Variants in FAAH2 observed in about 807,000 individuals in gnomAD.
FAAH2 encodes fatty-acid amide hydrolase 2.
In FAAH2, 60 loss-of-function variants were observed where a neutral mutation model predicts 36.9. That is an observed-to-expected ratio of 1.63 (90% CI 1.32 to 2.02). The LOEUF is 2.02. Among genes scored for constraint, FAAH2 ranks in the 30% most tolerant of loss-of-function variants. FAAH2 has a pLI of 0.00. For synonymous variants in FAAH2, 214 were observed against 143.8 expected (o/e 1.49, Z -3.49); for missense variants, 689 against 397.5 (o/e 1.73, Z -6.23).
the FAAH2 span, among the ~76,000 whole-genome samples, chrX:57,238,582 T>C: frequency 9.0e-6 from 1 of 111,260 alleles, no homozygotes; most frequent in African/African-American, 3.3e-5. Flanking sequence ...CCCCATGACA[T>C]GAGATTACCT....
chrX:57,232,628 C>G, the FAAH2 span, among the ~76,000 whole-genome samples: 1 of 112,206 alleles, frequency 8.9e-6, no homozygotes, highest in East Asian at 2.8e-4. Flanking sequence ...TCTCTCGTAA[C>G]TAAGATAGAC....
intron 7 of FAAH2, among the ~76,000 whole-genome samples, chrX:57,392,374 T>A (rs1190426212): frequency 9.0e-6 from 1 of 111,558 alleles, no homozygotes; most frequent in Non-Finnish European, 1.9e-5. Flanking sequence ...GTTTTTTTTG[T>A]TTGTTTGTTT....
At chrX:57,316,501 G>C (rs757623029) in intron 3 of FAAH2, among the ~76,000 whole-genome samples, 1 of 111,687 alleles carries the variant, frequency 9.0e-6, no homozygotes, top group African/African-American at 3.2e-5. Flanking sequence ...CACCAAAACA[G>C]CATGGTGCTG....
At chrX:57,205,390 C>G in the FAAH2 span, among the ~76,000 whole-genome samples, 1 of 112,238 alleles carries the variant, frequency 8.9e-6, no homozygotes, top group Non-Finnish European at 1.9e-5. Context: ...TGTATGAGCC[C>G]TAATATGAGT....
the FAAH2 span, among the ~76,000 whole-genome samples, chrX:57,190,142 C>T: frequency 9.1e-6 from 1 of 110,472 alleles, no homozygotes; most frequent in Non-Finnish European, 1.9e-5. Flanking sequence ...GCCACAGCCA[C>T]TTTGCTGTGC....
chrX:57,388,603 T>C (rs996676722), intron 7 of FAAH2, among the ~76,000 whole-genome samples: 2 of 111,370 alleles, frequency 1.8e-5, no homozygotes, highest in African/African-American at 6.5e-5. Context: ...GAAACAATAT[T>C]GATATATTAT....
the FAAH2 span, among the ~76,000 whole-genome samples, chrX:57,140,747 A>G: frequency 1.8e-5 from 2 of 111,992 alleles, no homozygotes; most frequent in African/African-American, 3.2e-5. Flanking sequence ...CAAATGCTGC[A>G]TGTTCTCACT....
At chrX:57,381,382 A>T (rs1602472585) in intron 7 of FAAH2, among the ~76,000 whole-genome samples, 1 of 111,832 alleles carries the variant, frequency 8.9e-6, no homozygotes, top group Admixed American at 9.5e-5. Context: ...CAATCATTTT[A>T]GCCTGAGCTT....
the FAAH2 span, among the ~76,000 whole-genome samples, chrX:57,231,231 C>T: frequency 9.0e-6 from 1 of 110,778 alleles, no homozygotes; most frequent in Non-Finnish European, 1.9e-5. Flanking sequence ...TCATGATTTT[C>T]TGGCCATTAT....
At chrX:57,203,285 T>A in the FAAH2 span, among the ~76,000 whole-genome samples, 6 of 112,516 alleles carry the variant, frequency 5.3e-5, no homozygotes, top group African/African-American at 1.6e-4. Context: ...TGGCTAGTTA[T>A]CTGCAGCAGG....
Position 57,375,625 on chromosome X carries a change from C to G in FAAH2, c.743-3026C>G, listed in dbSNP as rs754890928. Among the ~76,000 whole-genome samples the G allele has an allele frequency of 5.4e-5, 6 of 110,641 alleles. No individual in the cohort carries two copies. In the South Asian group the frequency reaches 2.3e-3, roughly 42 times the overall value. ...TTTCTCTCTCCTTTTCTTGGTTAAT[C>G]TTGCAACTTGTTGTAATATCATAGA... On this transcript the variant is annotated intron_variant, in intron 5 of 10. Transcript: ENST00000374900.
chrX:57,450,117 G>A (rs762883440), intron 10 of FAAH2, among the ~76,000 whole-genome samples: 1 of 111,199 alleles, frequency 9.0e-6, no homozygotes, highest in Non-Finnish European at 1.9e-5. Flanking sequence ...CTTTTGGGGA[G>A]GATTTTCCTC....
chrX:57,364,988 A>G (rs747710551), intron 5 of FAAH2, among the ~76,000 whole-genome samples: 3 of 111,984 alleles, frequency 2.7e-5, no homozygotes, highest in African/African-American at 9.7e-5. Context: ...TTGAGCTTAG[A>G]ATATATACTA....
chrX:57,382,220 G>A (rs186154353), intron 7 of FAAH2, among the ~76,000 whole-genome samples: 48 of 111,528 alleles, frequency 4.3e-4, no homozygotes, highest in African/African-American at 1.6e-3. Flanking sequence ...ACAAGAGAAA[G>A]CAGGAATGAT....
intron 7 of FAAH2, among the ~76,000 whole-genome samples, chrX:57,426,104 A>G (rs1299649800): frequency 8.9e-6 from 1 of 111,970 alleles, no homozygotes; most frequent in Non-Finnish European, 1.9e-5. Context: ...TCATAGAATG[A>G]GATAGAAATA....
At chrX:57,196,971 C>G in the FAAH2 span, among the ~76,000 whole-genome samples, 1 of 111,943 alleles carries the variant, frequency 8.9e-6, no homozygotes, top group Non-Finnish European at 1.9e-5. Flanking sequence ...GTAAGTTTAT[C>G]CAAACTTTTA....
At chrX:57,222,148 C>T in the FAAH2 span, among the ~76,000 whole-genome samples, 2 of 111,497 alleles carry the variant, frequency 1.8e-5, no homozygotes, top group African/African-American at 6.5e-5. Context: ...TCCCTCCTGC[C>T]TCCGCAAACT....
chrX:57,312,563 C>G (rs1203338296), intron 3 of FAAH2, among the ~76,000 whole-genome samples: 2 of 110,014 alleles, frequency 1.8e-5, no homozygotes, highest in Non-Finnish European at 3.8e-5. Flanking sequence ...ATCTGTAGTC[C>G]CAGCTACTTG....
chrX:57,365,990 T>C (rs1232628286), intron 5 of FAAH2, among the ~76,000 whole-genome samples: 1 of 112,293 alleles, frequency 8.9e-6, no homozygotes, highest in Admixed American at 9.4e-5. Context: ...TTCTCTTGTA[T>C]GTTGATGAGC....
Sources: allele counts gnomAD v4.1 joint callset (sites outside exome capture counted in the v4.1 genomes callset), GRCh38; gene constraint gnomAD v4.1.1; transcripts MANE v1.5; gene names NCBI Gene and HGNC (gene_info 2026-07-23, HGNC 2026-07-21).